Variants in KCNC4 observed in about 807,000 individuals in gnomAD.
KCNC4 encodes the protein potassium voltage-gated channel subfamily C member 4.
In KCNC4, 23 loss-of-function variants were observed where a neutral mutation model predicts 42.8. That is an observed-to-expected ratio of 0.54 (90% CI 0.39 to 0.76). The LOEUF (loss-of-function observed/expected upper bound fraction) is 0.76, where lower values mean the gene tolerates loss of function less well. Ranked by LOEUF, KCNC4 falls within the 30% of genes least tolerant of loss-of-function variation. KCNC4 has a pLI of 0.00. For missense variants in KCNC4, 751 were observed against 898.2 expected, an observed-to-expected ratio of 0.84 and a Z score of 2.10; for synonymous variants, 422 against 393.5, an observed-to-expected ratio of 1.07 and a Z score of -0.86.
intron 3 of KCNC4, among the ~76,000 whole-genome samples, chr1:110,227,623 C>T (rs1416331948): frequency 6.6e-6 from 1 of 152,246 alleles, no homozygotes; most frequent in East Asian, 1.9e-4. Context: ...CAGGCAGTGG[C>T]TTCCACTGTG....
At chr1:110,227,117 T>C (rs954350390) in intron 3 of KCNC4, among the ~76,000 whole-genome samples, 3 of 152,164 alleles carry the variant, frequency 2.0e-5, no homozygotes, top group African/African-American at 7.2e-5. Flanking sequence ...AAAACAGAGC[T>C]CTTCCCCAGG....
downstream of KCNC4, chr1:110,283,151 C>G (rs1474164322): frequency 6.6e-6 from 1 of 152,146 alleles, no homozygotes; most frequent in African/African-American, 2.4e-5. Context: ...TTAAAGCCCA[C>G]TCTCAAGGGA....
downstream of KCNC4, chr1:110,237,085 A>T (rs551693316): frequency 6.6e-6 from 1 of 151,966 alleles, no homozygotes; most frequent in Non-Finnish European, 1.5e-5. Context: ...AGGAGAGTGG[A>T]TTGCTTGAGG....
chr1:110,215,111 C>G (rs1030247670), intron 1 of KCNC4, among the ~76,000 whole-genome samples: 2 of 152,278 alleles, frequency 1.3e-5, no homozygotes, highest in Non-Finnish European at 2.9e-5. Flanking sequence ...ACACAGCAAC[C>G]TGGTCATTTG....
At position 110,272,730 on chromosome 1, in the gene KCNC4, G is replaced by C. The variant is rs926540521; in HGVS notation, n.31-9804G>C. 10 of 142,026 alleles carry C rather than the reference G, an allele frequency of 7.0e-5. No homozygotes were observed. In the South Asian group the frequency reaches 2.3e-3, roughly 33 times the overall value. The allele number at this position is 142,026 out of a possible 1,614,324, so 8.8% of individuals were successfully genotyped here. A position where few individuals can be genotyped will look rare whatever the true frequency, so the allele number is the denominator to read the frequency against. On this transcript the variant is annotated intron_variant and non_coding_transcript_variant, in intron 1 of 2. Transcript: ENST00000412512. ...AAGAGAAAAAGAGGGGTTGGGGAGA[G>C]AGAGACAGAGAGAGGATACCTTGAG...
In KCNC4 at chr1:110,211,679, C is replaced by G. The variant is rs1310495763; in HGVS notation, c.180C>G (p.Thr60=). ...YRSTLRTLPG[T]RLAWLADPDG... ...GCACCCTGCGCACCCTACCGGGAAC[C>G]CGCCTCGCCTGGCTGGCCGACCCCG... The change falls in exon 1 of 4, where the codon ACC becomes ACG. Residue 60 remains threonine (T), a synonymous_variant. Coordinates refer to ENST00000438661, the MANE Select transcript of KCNC4 (RefSeq NM_001039574.3). This position sits in a 1 kb window ranked among gnomAD's most constrained non-coding sequence, Gnocchi z 6.5. 3 of 1,612,006 alleles carry G rather than the reference C, an allele frequency of 1.9e-6. No individual in the cohort carries two copies. Among genetic ancestry groups the G allele is most frequent in the South Asian group, 2.2e-5 (2 of 90,982 alleles).
intron 3 of KCNC4, among the ~76,000 whole-genome samples, chr1:110,230,350 T>C (rs530091613): frequency 6.6e-6 from 1 of 152,082 alleles, no homozygotes; most frequent in East Asian, 1.9e-4. Flanking sequence ...TGGAACAGGA[T>C]GGAGATGCGA....
intron 1 of KCNC4, among the ~76,000 whole-genome samples, chr1:110,256,001 A>G (rs1659321937): frequency 6.6e-6 from 1 of 152,222 alleles, no homozygotes; most frequent in South Asian, 2.1e-4. Flanking sequence ...AGTAGAGGCT[A>G]GTTCTGGCAA....
intron 1 of KCNC4, chr1:110,221,588 C>T (rs1352564346): frequency 6.6e-6 from 1 of 152,228 alleles, no homozygotes; most frequent in Non-Finnish European, 1.5e-5. Context: ...GTATGCCCTC[C>T]CCATCCCAGT....
At chr1:110,281,957 C>T (rs575980088) in intron 1 of KCNC4, among the ~76,000 whole-genome samples, 6 of 152,288 alleles carry the variant, frequency 3.9e-5, no homozygotes, top group East Asian at 3.9e-4. Context: ...TCCCAGGCTG[C>T]GCTGGCAGAG....
At chr1:110,230,172 C>T (rs1049482066) in intron 3 of KCNC4, among the ~76,000 whole-genome samples, 1 of 152,224 alleles carries the variant, frequency 6.6e-6, no homozygotes, top group African/African-American at 2.4e-5. Context: ...TCAGAGTGGG[C>T]ACTGGGATAC....
intron 2 of KCNC4, chr1:110,225,030 G>C (rs1191767151): frequency 3.3e-5 from 5 of 152,228 alleles, no homozygotes; most frequent in Admixed American, 3.3e-4. Flanking sequence ...GCATCCATCA[G>C]GCTTCCCATT....
At position 110,223,610 on chromosome 1, in the gene KCNC4, T is replaced by C. The variant is rs1310809544; in HGVS notation, c.1325T>C (p.Met442Thr). ...VTMTTLGYGD[M>T]YPKTWSGMLV... The stretch of plus-strand genomic sequence containing the variant: ...ATGACGACACTGGGCTACGGAGACA[T>C]GTACCCCAAGACGTGGTCAGGCATG... Residue 442 changes from methionine to threonine, a missense_variant, in exon 2 of 4, where the codon ATG becomes ACG. Met to Thr is a moderately conservative substitution (Grantham distance 81). Around this residue, in one of 4 missense-constraint regions of KCNC4, gnomAD observed 185 missense variants for 293.7 expected, o/e 0.63. Coordinates refer to ENST00000438661, the MANE Select transcript of KCNC4 (RefSeq NM_001039574.3). This position sits in a 1 kb window ranked among gnomAD's most constrained non-coding sequence, Gnocchi z 7.5. 3 of 1,614,048 alleles carry C rather than the reference T, an allele frequency of 1.9e-6. No individual in the cohort carries two copies. Among genetic ancestry groups the C allele is most frequent in the Non-Finnish European group, 8.5e-7 (1 of 1,180,024 alleles).
chr1:110,257,720 CAAAA>C (rs56333861), intron 1 of KCNC4, among the ~76,000 whole-genome samples: 33,487 of 90,342 alleles, frequency 0.37, 4,442 homozygotes, highest in East Asian at 0.41. Flanking sequence ...GACTCCGTCT[CAAAA>C]AAAAAAAAAA....
chr1:110,220,641 T>G (rs1658047380), intron 1 of KCNC4: 5 of 152,366 alleles, frequency 3.3e-5, no homozygotes, highest in Admixed American at 2.6e-4. Flanking sequence ...AATTGGGATA[T>G]GCTGTCCCTG....
chr1:110,212,102 G>A lies in KCNC4; in HGVS notation c.603G>A (p.Gly201=). 1 of 1,508,096 alleles carries A rather than the reference G, an allele frequency of 6.6e-7. No homozygotes were observed. The highest frequency in any genetic ancestry group is 8.8e-7 in the Non-Finnish European group (1 of 1,142,312). The allele number at this position is 1,508,096 out of a possible 1,614,324, so 93.4% of individuals were successfully genotyped here. A position where few individuals can be genotyped will look rare whatever the true frequency, so the allele number is the denominator to read the frequency against. The part of the protein sequence containing the change: ...PHEGGAGHGA[G]SGGCRGWQPR... Reference sequence around the variant, plus strand: ...AGGGAGGCGCGGGCCATGGCGCCGGGTCTGGGGGCTGCCGCGGCTGGCAGC... The same window carrying A: ...AGGGAGGCGCGGGCCATGGCGCCGGATCTGGGGGCTGCCGCGGCTGGCAGC... Residue 201 remains glycine (G), a synonymous_variant, in exon 1 of 4, where the codon GGG becomes GGA. Transcript: ENST00000438661.
At chr1:110,228,025 G>C (rs1658494476) in intron 3 of KCNC4, among the ~76,000 whole-genome samples, 1 of 152,164 alleles carries the variant, frequency 6.6e-6, no homozygotes, top group Non-Finnish European at 1.5e-5. Context: ...GAGGGAACAG[G>C]TGGGTTGCTG....
At chr1:110,283,262 C>T (rs886943861), downstream of KCNC4, among the ~76,000 whole-genome samples, 22 of 152,262 alleles carry the variant, frequency 1.4e-4, no homozygotes, top group African/African-American at 5.1e-4. Flanking sequence ...GGCCCCACTT[C>T]CCAACACCGC....
At position 110,225,992 on chromosome 1, in the gene KCNC4, G is replaced by T; in HGVS notation, c.1633G>T (p.Asp545Tyr). ...RKRADSKQNG[D>Y]ANAVLSDEEG... ...CCCTTCAGACTCTAAGCAGAATGGC[G>T]ATGCCAACGCAGTGCTGTCTGATGA... Residue 545 changes from aspartate (D) to tyrosine (Y), a missense_variant, in exon 3 of 4, where the codon GAT becomes TAT. By Grantham distance (160) the Asp-to-Tyr change is radical (BLOSUM62 -3). Around this residue, in one of 4 missense-constraint regions of KCNC4, gnomAD observed 202 missense variants for 181.5 expected, o/e 1.11. Transcript: ENST00000438661. 15 of 1,599,614 alleles carry T rather than the reference G, an allele frequency of 9.4e-6. No individual in the cohort carries two copies. Among genetic ancestry groups the T allele is most frequent in the Non-Finnish European group, 1.2e-5 (14 of 1,169,948 alleles).
Sources: gnomAD v4.1 joint callset for allele counts (sites outside exome capture counted in the v4.1 genomes callset) on GRCh38, gnomAD v4.1.1 for gene constraint, gnomAD v4.1.1 regional missense constraint, Gnocchi (gnomAD v3.1) non-coding constraint, MANE v1.5 for transcripts, NCBI Gene and HGNC (gene_info 2026-07-23, HGNC 2026-07-21) for gene names.